KCND3: variants seen among roughly 807,000 people sequenced by gnomAD.
KCND3 encodes potassium voltage-gated channel subfamily D member 3.
A neutral mutation model predicts 51.1 loss-of-function variants in KCND3; 9 were observed. The ratio of observed to expected loss-of-function variants is 0.18; its 90% CI spans 0.11 to 0.31. KCND3 has a LOEUF of 0.31. KCND3 is among the 10% of genes least tolerant of loss of function. The probability of loss-of-function intolerance (pLI) is 1.00; values close to 1 mark genes in which losing one functional copy is unlikely to be tolerated. For missense variants in KCND3, 526 were observed against 903.8 expected (o/e 0.58, Z 5.36); for synonymous variants, 349 against 368.0 (o/e 0.95, Z 0.59).
intron 2 of KCND3, among the ~76,000 whole-genome samples, chr1:111,933,313 C>A (rs1282395407): frequency 6.6e-6 from 1 of 152,296 alleles, no homozygotes. Context: ...TGGATTAATA[C>A]AAGTACCAAC....
At chr1:111,787,141 G>C in intron 2 of KCND3, 35 bp from the exon 3 acceptor site, 1 of 1,609,516 alleles carries the variant, frequency 6.2e-7, no homozygotes, top group South Asian at 1.1e-5. Context: ...GTAAGGGAGA[G>C]AGGGCCATTT....
intron 2 of KCND3, among the ~76,000 whole-genome samples, chr1:111,813,072 C>G (rs1665929524): frequency 6.6e-6 from 1 of 152,120 alleles, no homozygotes; most frequent in Admixed American, 6.5e-5. Flanking sequence ...AACTATAGCC[C>G]CTATCTCCCC....
chr1:111,848,368 A>T (rs1157665246), intron 2 of KCND3, among the ~76,000 whole-genome samples: 3 of 152,214 alleles, frequency 2.0e-5, no homozygotes. Context: ...CATTTTCTGC[A>T]TTCGAGAAAG....
chr1:111,807,308 C>T (rs1362307072), intron 2 of KCND3, among the ~76,000 whole-genome samples: 4 of 152,206 alleles, frequency 2.6e-5, no homozygotes, highest in Non-Finnish European at 5.9e-5. Flanking sequence ...TTTTACTGTA[C>T]CTTTTCTATG....
chr1:111,866,579 AAC>A (rs771342858), intron 2 of KCND3, among the ~76,000 whole-genome samples: 1,303 of 126,780 alleles, frequency 0.01, 7 homozygotes, highest in East Asian at 0.019. Flanking sequence ...TGTTTCTTTA[AAC>A]ACACACACAC....
intron 2 of KCND3, among the ~76,000 whole-genome samples, chr1:111,908,825 C>T (rs2120436): frequency 0.23 from 34,457 of 151,094 alleles, 4,519 homozygotes; most frequent in Non-Finnish European, 0.31. Flanking sequence ...ATTGGGGAGA[C>T]GTGTGTGAAA....
intron 3 of KCND3, among the ~76,000 whole-genome samples, chr1:111,784,100 T>C (rs1442061884): frequency 9.3e-6 from 1 of 107,180 alleles, no homozygotes; most frequent in Non-Finnish European, 1.9e-5. Context: ...ATGCATTAAC[T>C]TATCACACAC....
intron 2 of KCND3, among the ~76,000 whole-genome samples, chr1:111,908,006 C>T (rs1670728806): frequency 6.6e-6 from 1 of 152,118 alleles, no homozygotes; most frequent in African/African-American, 2.4e-5. Flanking sequence ...AGAGTGCCTC[C>T]TAGGGACTAA....
At chr1:111,818,441 C>G (rs6699708) in intron 2 of KCND3, among the ~76,000 whole-genome samples, 2,729 of 152,292 alleles carry the variant, frequency 0.018, 75 homozygotes, top group African/African-American at 0.061. Flanking sequence ...GGCTAAAAGG[C>G]CAAGGGGAGG....
intron 2 of KCND3, among the ~76,000 whole-genome samples, chr1:111,906,684 C>T (rs1380750716): frequency 2.0e-5 from 3 of 152,174 alleles, no homozygotes; most frequent in East Asian, 1.9e-4. Flanking sequence ...GATATCCCCT[C>T]GATCCCAACT....
intron 1 of KCND3, among the ~76,000 whole-genome samples, chr1:111,988,209 C>T (rs967542541): frequency 2.6e-5 from 4 of 152,104 alleles, no homozygotes; most frequent in African/African-American, 4.8e-5. Context: ...GCCCATGACC[C>T]GGAGGGCTTC....
chr1:111,948,013 C>G (rs371845673), intron 2 of KCND3, among the ~76,000 whole-genome samples: 1 of 152,116 alleles, frequency 6.6e-6, no homozygotes, highest in Non-Finnish European at 1.5e-5. Flanking sequence ...GCCTCACCTC[C>G]GAGGAGCCCT....
intron 2 of KCND3, among the ~76,000 whole-genome samples, chr1:111,854,606 G>A (rs1471756119): frequency 6.6e-6 from 1 of 152,206 alleles, no homozygotes; most frequent in African/African-American, 2.4e-5. Context: ...GGCAGAGGCT[G>A]GTTCTCTGAG....
intron 2 of KCND3, among the ~76,000 whole-genome samples, chr1:111,971,392 C>T (rs1317114317): frequency 6.6e-6 from 1 of 151,574 alleles, no homozygotes; most frequent in African/African-American, 2.4e-5. Flanking sequence ...AGCAGAAACA[C>T]AGTATAAAAG....
intron 2 of KCND3, among the ~76,000 whole-genome samples, chr1:111,893,710 C>A (rs796141593): frequency 1.6e-4 from 24 of 152,224 alleles, no homozygotes; most frequent in African/African-American, 4.8e-4. Flanking sequence ...CAACCCAGGG[C>A]CCAAGTGACA....
At chr1:111,812,520 T>C (rs762842732) in intron 2 of KCND3, among the ~76,000 whole-genome samples, 4 of 152,238 alleles carry the variant, frequency 2.6e-5, no homozygotes, top group Non-Finnish European at 5.9e-5. Context: ...GCAGTGCGCA[T>C]GTCATGAGTG....
At chr1:111,958,981 A>G (rs1041625380) in intron 2 of KCND3, among the ~76,000 whole-genome samples, 3 of 152,196 alleles carry the variant, frequency 2.0e-5, no homozygotes, top group African/African-American at 7.2e-5. Flanking sequence ...GACACTCATC[A>G]TGTTCTATTT....
At chr1:111,844,475 T>A (rs1196760626) in intron 2 of KCND3, among the ~76,000 whole-genome samples, 1 of 152,190 alleles carries the variant, frequency 6.6e-6, no homozygotes, top group African/African-American at 2.4e-5. Flanking sequence ...TCTGCTGTCA[T>A]CCTACTCTGA....
At chr1:111,809,431 T>C (rs1665737265) in intron 2 of KCND3, among the ~76,000 whole-genome samples, 1 of 151,890 alleles carries the variant, frequency 6.6e-6, no homozygotes, top group African/African-American at 2.4e-5. Flanking sequence ...GCCTCAGCCT[T>C]CCGAGTACCT....
Sources: gnomAD v4.1 joint callset for allele counts (sites outside exome capture counted in the v4.1 genomes callset) on GRCh38, gnomAD v4.1.1 for gene constraint, MANE v1.5 for transcripts, NCBI Gene and HGNC (gene_info 2026-07-23, HGNC 2026-07-21) for gene names.